RGS6: variants seen among roughly 807,000 people sequenced by gnomAD.
RGS6 encodes the protein regulator of G-protein signaling 6.
In RGS6, 30 loss-of-function variants were observed where a neutral mutation model predicts 78.5. The ratio of observed to expected loss-of-function variants is 0.38; its 90% CI spans 0.29 to 0.52. RGS6 has a LOEUF of 0.52. RGS6 is among the 20% of genes least tolerant of loss of function. The pLI is 0.85. For missense variants in RGS6, 495 were observed against 609.7 expected, an observed-to-expected ratio of 0.81 and a Z score of 1.98; for synonymous variants, 206 against 206.0, an observed-to-expected ratio of 1.00 and a Z score of 0.00.
At chr14:72,385,605 G>A (rs1338358600) in intron 3 of RGS6, among the ~76,000 whole-genome samples, 2 of 152,148 alleles carry the variant, frequency 1.3e-5, no homozygotes, top group Non-Finnish European at 2.9e-5. Flanking sequence ...GCCTTTTGAT[G>A]ACAGTGAGGG....
intron 2 of RGS6, among the ~76,000 whole-genome samples, chr14:72,067,396 G>A (rs1388179455): frequency 1.3e-5 from 2 of 152,116 alleles, no homozygotes; most frequent in East Asian, 3.9e-4. Context: ...AGGTTGATGG[G>A]TGCAGCAAAA....
At chr14:72,182,416 C>CAAAAAA (rs34656799) in intron 2 of RGS6, among the ~76,000 whole-genome samples, 1 of 106,374 alleles carries the variant, frequency 9.4e-6, no homozygotes, top group African/African-American at 3.6e-5. Flanking sequence ...GACTCCATCT[C>CAAAAAA]AAAAAAAAAA....
chr14:72,347,631 T>G (rs2078307668), intron 2 of RGS6, among the ~76,000 whole-genome samples: 2 of 152,212 alleles, frequency 1.3e-5, no homozygotes, highest in South Asian at 4.1e-4. Flanking sequence ...GATAAAGCTC[T>G]TAGAGCAGTG....
chr14:72,035,510 A>G (rs749491332), intron 2 of RGS6, among the ~76,000 whole-genome samples: 2 of 151,618 alleles, frequency 1.3e-5, no homozygotes, highest in Non-Finnish European at 2.9e-5. Context: ...TCTTTCTCGC[A>G]ACTTTGGGTT....
intron 2 of RGS6, among the ~76,000 whole-genome samples, chr14:72,296,890 G>C (rs111371370): frequency 2.6e-5 from 4 of 152,178 alleles, no homozygotes; most frequent in African/African-American, 9.6e-5. Context: ...TTTTCTTCTA[G>C]AATATTTATA....
At chr14:72,360,783 G>A (rs1443099050) in intron 3 of RGS6, among the ~76,000 whole-genome samples, 1 of 152,112 alleles carries the variant, frequency 6.6e-6, no homozygotes, top group Non-Finnish European at 1.5e-5. Flanking sequence ...GACTGATATG[G>A]TTTGGCTCTG....
chr14:72,598,223 C>T, the RGS6 span, among the ~76,000 whole-genome samples: 1 of 152,244 alleles, frequency 6.6e-6, no homozygotes, highest in East Asian at 1.9e-4. Flanking sequence ...GAGTTGAGCT[C>T]TGCCCTCCAC....
At chr14:71,888,071 C>G in the RGS6 span, among the ~76,000 whole-genome samples, 1 of 152,116 alleles carries the variant, frequency 6.6e-6, no homozygotes, top group Non-Finnish European at 1.5e-5. Flanking sequence ...CTCTTTATTT[C>G]TCAGCTGGCC....
chr14:72,613,827 G>A, the RGS6 span, among the ~76,000 whole-genome samples: 1 of 152,146 alleles, frequency 6.6e-6, no homozygotes, highest in African/African-American at 2.4e-5. Context: ...CACATGGAGG[G>A]GGCGCCCGCC....
At chr14:72,555,610 T>C (rs1398916855) in intron 17 of RGS6, among the ~76,000 whole-genome samples, 1 of 152,120 alleles carries the variant, frequency 6.6e-6, no homozygotes, top group African/African-American at 2.4e-5. Flanking sequence ...TCCTTGAGAG[T>C]GACAGCCATG....
In RGS6 at chr14:72,474,499, G is replaced by A. The variant is rs8008067; in HGVS notation, c.619-126G>A. On this transcript the variant is annotated intron_variant, in intron 9 of 17. Coordinates refer to ENST00000553525, the MANE Select transcript of RGS6 (RefSeq NM_001204424.2). ...GAGGAATGCATATTATGGCAAAATG[G>A]AAAAAAAAATCATGCATTGTCTGTA... The A allele has an allele frequency of 0.17, 146,892 of 846,388 alleles. 13,963 individuals carry two copies. Among genetic ancestry groups the A allele is most frequent in the Middle Eastern group, 0.23 (887 of 3,834 alleles). 52.4% of individuals were successfully genotyped at this position (846,388 alleles called of 1,614,324 possible).
chr14:71,895,644 C>A, the RGS6 span, among the ~76,000 whole-genome samples: 2 of 152,088 alleles, frequency 1.3e-5, no homozygotes, highest in African/African-American at 2.4e-5. Flanking sequence ...TCTTAATGGG[C>A]AATGAGAAGA....
At chr14:72,283,716 A>G in intron 2 of RGS6, among the ~76,000 whole-genome samples, 1 of 152,202 alleles carries the variant, frequency 6.6e-6, no homozygotes, top group Non-Finnish European at 1.5e-5. Flanking sequence ...CTAATACAGT[A>G]AATTGGCACT....
chr14:72,499,255 T>A (rs1480692337), intron 13 of RGS6, among the ~76,000 whole-genome samples: 1 of 152,224 alleles, frequency 6.6e-6, no homozygotes, highest in Non-Finnish European at 1.5e-5. Flanking sequence ...AAGATGTTTT[T>A]TCTCTGTGTG....
intron 2 of RGS6, among the ~76,000 whole-genome samples, chr14:71,989,378 A>T (rs1282920698): frequency 1.3e-5 from 2 of 152,216 alleles, no homozygotes; most frequent in Admixed American, 1.3e-4. Context: ...TTCCTCTGGG[A>T]TGCCAGGGCT....
At chr14:72,507,493 A>T (rs2096822888) in intron 13 of RGS6, among the ~76,000 whole-genome samples, 1 of 152,054 alleles carries the variant, frequency 6.6e-6, no homozygotes, top group South Asian at 2.1e-4. Context: ...GTCTCTCTAG[A>T]CCCATTTATT....
the RGS6 span, among the ~76,000 whole-genome samples, chr14:71,919,389 T>C: frequency 6.6e-6 from 1 of 152,218 alleles, no homozygotes; most frequent in East Asian, 1.9e-4. Flanking sequence ...AGTGACGGCA[T>C]TTCTGACTTA....
chr14:72,068,167 G>A (rs192409257), intron 2 of RGS6, among the ~76,000 whole-genome samples: 9 of 148,516 alleles, frequency 6.1e-5, no homozygotes, highest in East Asian at 2.0e-4. Context: ...AAGATCTGAC[G>A]GTATCACCCA....
the RGS6 span, among the ~76,000 whole-genome samples, chr14:72,604,864 AAT>A: frequency 6.6e-6 from 1 of 152,202 alleles, no homozygotes. Flanking sequence ...CTGTTTGGCA[AAT>A]AGTCAGTCCC....
Sources: gnomAD v4.1 joint callset for allele counts (sites outside exome capture counted in the v4.1 genomes callset) on GRCh38, gnomAD v4.1.1 for gene constraint, MANE v1.5 for transcripts, NCBI Gene and HGNC (gene_info 2026-07-23, HGNC 2026-07-21) for gene names.